Variants in DDX60 observed in about 807,000 individuals in gnomAD.
DDX60 encodes probable ATP-dependent RNA helicase DDX60.
Under a neutral mutation model 212.8 loss-of-function variants are expected in DDX60, and 165 were observed. That is an observed-to-expected ratio of 0.78 (90% CI 0.68 to 0.88). The LOEUF (loss-of-function observed/expected upper bound fraction) is 0.88. Ranked by LOEUF, DDX60 falls within the 40% of genes least tolerant of loss-of-function variation. DDX60 has a pLI of 0.00. For missense variants in DDX60, 1,905 were observed against 2,003.9 expected (o/e 0.95, Z 0.94); for synonymous variants, 703 against 685.3 (o/e 1.03, Z -0.40).
intron 1 of DDX60, among the ~76,000 whole-genome samples, chr4:168,313,158 G>C (rs1323324927): frequency 1.3e-5 from 2 of 152,168 alleles, no homozygotes; most frequent in African/African-American, 4.8e-5. Context: ...AGAATTGAGA[G>C]GGAGTTCCTA....
intron 6 of DDX60, among the ~76,000 whole-genome samples, chr4:168,295,779 G>A (rs1247333083): frequency 1.3e-5 from 2 of 152,158 alleles, no homozygotes; most frequent in African/African-American, 4.8e-5. Flanking sequence ...CAGATGAACG[G>A]ACAGTGAAAA....
chr4:168,280,313 A>G, intron 14 of DDX60, 22 bp downstream of exon 14: 1 of 1,581,848 alleles, frequency 6.3e-7, no homozygotes, highest in Non-Finnish European at 8.6e-7. Flanking sequence ...ACTCACCGAA[A>G]TAACAAAACA....
chr4:168,249,402 T>C (rs2149503862), intron 28 of DDX60, among the ~76,000 whole-genome samples: 1 of 152,368 alleles, frequency 6.6e-6, no homozygotes, highest in South Asian at 2.1e-4. Context: ...AGTGATTTTC[T>C]GTAATTATTC....
At chr4:168,242,914 G>A (rs1340826487) in intron 30 of DDX60, among the ~76,000 whole-genome samples, 1 of 152,210 alleles carries the variant, frequency 6.6e-6, no homozygotes, top group Non-Finnish European at 1.5e-5. Flanking sequence ...CCCATGGGTT[G>A]TGAGAGGAAA....
chr4:168,288,709 A>T (rs1359575052), intron 8 of DDX60, among the ~76,000 whole-genome samples: 2 of 152,130 alleles, frequency 1.3e-5, no homozygotes, highest in African/African-American at 4.8e-5. Flanking sequence ...AAGAGCATTT[A>T]AAAAAATGTG....
At chr4:168,226,573 A>G (rs1196655011) in intron 33 of DDX60, among the ~76,000 whole-genome samples, 2 of 152,116 alleles carry the variant, frequency 1.3e-5, no homozygotes, top group East Asian at 3.9e-4. Flanking sequence ...CATGGATTAT[A>G]TGAGATATTT....
intron 28 of DDX60, among the ~76,000 whole-genome samples, chr4:168,249,971 A>G (rs2149504179): frequency 6.6e-6 from 1 of 152,278 alleles, no homozygotes; most frequent in Admixed American, 6.5e-5. Context: ...ACAAAATTCA[A>G]TGTGAATAAT....
At chr4:168,235,675 T>C (rs1245185707) in intron 33 of DDX60, among the ~76,000 whole-genome samples, 1 of 152,114 alleles carries the variant, frequency 6.6e-6, no homozygotes, top group Non-Finnish European at 1.5e-5. Context: ...CATTTTATTC[T>C]AGGGAAGTAT....
At position 168,268,817 on chromosome 4, in the gene DDX60, G is replaced by C. The variant is rs778449215; in HGVS notation, c.2786+37C>G. The C allele has an allele frequency of 6.1e-6, 7 of 1,156,978 alleles. No individual in the cohort carries two copies. The East Asian group carries it at 1.7e-4, about 28-fold the overall frequency. The allele number at this position is 1,156,978 out of a possible 1,614,324, so 71.7% of individuals were successfully genotyped here. On this transcript the variant is annotated intron_variant, in intron 20 of 37. Coordinates refer to ENST00000393743, the MANE Select transcript of DDX60 (RefSeq NM_017631.6). ...TTATGAAATTCAAATATTCAAAATA[G>C]ATAAACACTCTGTCCAAATTGAAAC...
rs1415385299 is a variant in DDX60 at position 168,257,940 on chromosome 4, G to A, written c.3399-2071C>T. 2.6e-5 allele frequency among the ~76,000 whole-genome samples: 4 copies of A among 152,254 alleles called. 1 individual carries two copies. The highest frequency in any genetic ancestry group is 4.1e-4 in the South Asian group (2 of 4,830). On this transcript the variant is annotated intron_variant, in intron 25 of 37. Coordinates refer to ENST00000393743, the MANE Select transcript of DDX60 (RefSeq NM_017631.6). ...AAACCAGAGCTGGCATCAATTTATC[G>A]GTGGAGATGCCATTACTGGGTGGGT...
At chr4:168,307,191 T>C (rs907931024) in intron 4 of DDX60, among the ~76,000 whole-genome samples, 4 of 152,074 alleles carry the variant, frequency 2.6e-5, no homozygotes, top group Non-Finnish European at 4.4e-5. Flanking sequence ...ATCGGAAGCC[T>C]AGCTCTTTAC....
rs200496564 is a variant in DDX60, at chr4:168,311,294, C to A, written c.-35G>T. ...TGCCTGTGCCTCCAACCTGAACTGG[C>A]AAGTATTAAAGGTAGCAAATACCCT... On this transcript the variant is annotated 5_prime_UTR_variant, in exon 2 of 38. Transcript: ENST00000393743. The A allele has an allele frequency of 1.2e-6, 2 of 1,611,942 alleles. No individual in the cohort carries two copies. The highest frequency in any genetic ancestry group is 3.3e-5 in the Admixed American group (2 of 59,868).
rs11723321 is a variant in DDX60 at position 168,291,988 on chromosome 4, A to C, written c.883-82T>G. On this transcript the variant is annotated intron_variant, in intron 7 of 37. Coordinates refer to ENST00000393743, the MANE Select transcript of DDX60 (RefSeq NM_017631.6). Reference sequence around the variant, plus strand: ...TAAGCATCTAGGACCACAAAAGCTGACAGCTACCTTTGCTGTTCAGGAATC... The same window carrying C: ...TAAGCATCTAGGACCACAAAAGCTGCCAGCTACCTTTGCTGTTCAGGAATC... 5 of 884,204 alleles carry C rather than the reference A, an allele frequency of 5.7e-6. 1 individual carries two copies. Among genetic ancestry groups the C allele is most frequent in the Non-Finnish European group, 8.1e-6 (5 of 617,360 alleles). The allele number at this position is 884,204 out of a possible 1,614,324, so 54.8% of individuals were successfully genotyped here. A position where few individuals can be genotyped will look rare whatever the true frequency, so the allele number is the denominator to read the frequency against.
chr4:168,267,305 G>T (rs1481572846), intron 22 of DDX60, among the ~76,000 whole-genome samples: 1 of 152,122 alleles, frequency 6.6e-6, no homozygotes, highest in African/African-American at 2.4e-5. Context: ...AAGAAAAATT[G>T]CCAAAGAAAA....
chr4:168,235,248 C>T (rs928101612), intron 33 of DDX60, among the ~76,000 whole-genome samples: 1 of 151,944 alleles, frequency 6.6e-6, no homozygotes, highest in Admixed American at 6.6e-5. Flanking sequence ...TCAAGCAATC[C>T]TCCCACCTCT....
chr4:168,318,186 T>A (rs937458186), intron 1 of DDX60, among the ~76,000 whole-genome samples: 1 of 152,248 alleles, frequency 6.6e-6, no homozygotes, highest in South Asian at 2.1e-4. Flanking sequence ...GGGGGAATCT[T>A]ATTAATAAAC....
At chr4:168,320,049 CAT>C (rs1339260604), upstream of DDX60, among the ~76,000 whole-genome samples, 2 of 152,206 alleles carry the variant, frequency 1.3e-5, no homozygotes, top group African/African-American at 4.8e-5. Flanking sequence ...GAATTTAACA[CAT>C]GATTGGTCTT....
At chr4:168,283,138 A>G (rs936118989) in intron 13 of DDX60, among the ~76,000 whole-genome samples, 4 of 152,168 alleles carry the variant, frequency 2.6e-5, no homozygotes, top group African/African-American at 7.2e-5. Flanking sequence ...AAAGATTTTC[A>G]CTGTCATTAA....
chr4:168,306,229 A>T (rs1007628624), intron 5 of DDX60, 150 bp downstream of exon 5: 3 of 546,114 alleles, frequency 5.5e-6, no homozygotes, highest in African/African-American at 3.8e-5. Flanking sequence ...CTGCATTTGC[A>T]TTATCATTAT....
Sources: gnomAD v4.1 joint callset for allele counts (sites outside exome capture counted in the v4.1 genomes callset) on GRCh38, gnomAD v4.1.1 for gene constraint, MANE v1.5 for transcripts, NCBI Gene and HGNC (gene_info 2026-07-23, HGNC 2026-07-21) for gene names.